The following LIPC variants were observed in gnomAD, a reference collection of about 807,000 sequenced individuals.
The protein encoded by LIPC is hepatic triacylglycerol lipase.
LIPC carries 44 observed loss-of-function variants against 50.7 expected under a neutral mutation model. The ratio of observed to expected loss-of-function variants is 0.87; its 90% confidence interval spans 0.68 to 1.11. LIPC has a LOEUF of 1.11. Among genes scored for constraint, LIPC ranks in the 50% most tolerant of loss-of-function variants. The pLI is 0.00. For missense variants in LIPC, 697 were observed against 648.2 expected (o/e 1.08, Z -0.82); for synonymous variants, 271 against 256.4 (o/e 1.06, Z -0.54).
chr15:58,517,120 T>C (rs1212044733), intron 1 of LIPC, among the ~76,000 whole-genome samples: 1 of 152,250 alleles, frequency 6.6e-6, no homozygotes, highest in Non-Finnish European at 1.5e-5. Flanking sequence ...AAAATATCCA[T>C]GTCCCACACT....
At chr15:58,483,850 T>G (rs766242620) in intron 1 of LIPC, among the ~76,000 whole-genome samples, 1 of 152,216 alleles carries the variant, frequency 6.6e-6, no homozygotes, top group Admixed American at 6.5e-5. Context: ...TCTGGGAGAT[T>G]TGACTGCTAA....
At chr15:58,440,689 A>G (rs1893474983) in intron 1 of LIPC, among the ~76,000 whole-genome samples, 1 of 152,218 alleles carries the variant, frequency 6.6e-6, no homozygotes, top group African/African-American at 2.4e-5. Context: ...TGTAAATAAC[A>G]CTACATGCAA....
chr15:58,499,441 T>C (rs1265239149), intron 1 of LIPC, among the ~76,000 whole-genome samples: 1 of 152,204 alleles, frequency 6.6e-6, no homozygotes, highest in Non-Finnish European at 1.5e-5. Flanking sequence ...GGAATGAGTA[T>C]GTAACAGGAA....
chr15:58,467,686 G>A (rs1894619987), intron 1 of LIPC, among the ~76,000 whole-genome samples: 1 of 152,134 alleles, frequency 6.6e-6, no homozygotes, highest in Non-Finnish European at 1.5e-5. Context: ...TGCAGTAAAT[G>A]AGTCCTTGAT....
intron 1 of LIPC, among the ~76,000 whole-genome samples, chr15:58,459,842 C>T (rs1299385823): frequency 6.6e-6 from 1 of 152,250 alleles, no homozygotes; most frequent in Non-Finnish European, 1.5e-5. Flanking sequence ...CCTGGGCACT[C>T]CTCTCAGCTT....
chr15:58,532,078 T>G (rs538508090), intron 1 of LIPC, among the ~76,000 whole-genome samples: 1 of 152,236 alleles, frequency 6.6e-6, no homozygotes, highest in African/African-American at 2.4e-5. Context: ...ATTCAGAAAT[T>G]GAGACACAGA....
chr15:58,562,404 A>C (rs886823657), intron 7 of LIPC, among the ~76,000 whole-genome samples: 13 of 152,208 alleles, frequency 8.5e-5, no homozygotes, highest in African/African-American at 3.1e-4. Flanking sequence ...CAGAAATTCA[A>C]GTGGTATCTT....
At position 58,485,840 on chromosome 15, in the gene LIPC, T is replaced by C. The variant is rs116821821; in HGVS notation, c.89-52493T>C. Among the ~76,000 whole-genome samples the C allele has an allele frequency of 5.0e-3, 759 of 152,346 alleles. 8 individuals are homozygous for C. Among genetic ancestry groups the C allele is most frequent in the African/African-American group, 0.017 (727 of 41,576 alleles). On this transcript the variant is annotated intron_variant, in intron 1 of 8. Transcript: ENST00000299022. ...CCCTTCTTCTCAAAGGCATTGAGGT[T>C]ACTTTCCATGTAGATTACGGTTGAG...
intron 1 of LIPC, among the ~76,000 whole-genome samples, chr15:58,433,276 T>C (rs527563176): frequency 3.9e-5 from 6 of 152,336 alleles, no homozygotes; most frequent in Admixed American, 3.3e-4. Context: ...CGGAATGTTG[T>C]ATTTGTTTGT....
At chr15:58,474,257 C>A (rs932819020) in intron 1 of LIPC, among the ~76,000 whole-genome samples, 7 of 152,178 alleles carry the variant, frequency 4.6e-5, no homozygotes, top group African/African-American at 1.7e-4. Context: ...GTGGCTCATG[C>A]CTGTAATCCC....
intron 1 of LIPC, among the ~76,000 whole-genome samples, chr15:58,464,261 G>A (rs1463866127): frequency 6.6e-6 from 1 of 152,096 alleles, no homozygotes; most frequent in East Asian, 1.9e-4. Flanking sequence ...TGGTTTCCTA[G>A]GAGCAGTACT....
At chr15:58,499,464 T>C (rs1462001939) in intron 1 of LIPC, among the ~76,000 whole-genome samples, 4 of 152,214 alleles carry the variant, frequency 2.6e-5, no homozygotes, top group Admixed American at 6.5e-5. Flanking sequence ...GGAAGATCTG[T>C]GTTTCCCTGA....
intron 1 of LIPC, among the ~76,000 whole-genome samples, chr15:58,474,515 A>G (rs1358486737): frequency 1.9e-3 from 5 of 2,692 alleles, no homozygotes; most frequent in East Asian, 0.12. Context: ...TGTCTCAGGA[A>G]AAAAAAAAAA....
chr15:58,525,201 T>A (rs1443326897), intron 1 of LIPC, among the ~76,000 whole-genome samples: 1 of 152,220 alleles, frequency 6.6e-6, no homozygotes, highest in African/African-American at 2.4e-5. Flanking sequence ...AGAAATTAGA[T>A]TTCCACTGCC....
chr15:58,552,072 G>C (rs1256082406), intron 6 of LIPC, among the ~76,000 whole-genome samples: 2 of 152,190 alleles, frequency 1.3e-5, no homozygotes. Flanking sequence ...TTTTAAGGGA[G>C]GGGGAGGGAA....
intron 1 of LIPC, among the ~76,000 whole-genome samples, chr15:58,471,328 T>TGCGGC (rs1555399294): frequency 8.8e-6 from 1 of 114,182 alleles, no homozygotes; most frequent in African/African-American, 3.4e-5. Flanking sequence ...TTAGTAGAGA[T>TGCGGC]GGGGGGGGGT....
At chr15:58,459,634 A>G (rs1468132272) in intron 1 of LIPC, among the ~76,000 whole-genome samples, 1 of 152,204 alleles carries the variant, frequency 6.6e-6, no homozygotes, top group Non-Finnish European at 1.5e-5. Flanking sequence ...CATTTATGGA[A>G]AAGCAAACAC....
chr15:58,502,302 T>C (rs1892009381), intron 1 of LIPC, among the ~76,000 whole-genome samples: 1 of 152,168 alleles, frequency 6.6e-6, no homozygotes, highest in Admixed American at 6.5e-5. Flanking sequence ...TCCATTCCTG[T>C]GCTGCTACAG....
chr15:58,444,098 C>T (rs1394687559), intron 1 of LIPC, among the ~76,000 whole-genome samples: 1 of 152,188 alleles, frequency 6.6e-6, no homozygotes, highest in East Asian at 1.9e-4. Context: ...GGCTCAGAGG[C>T]CTGACAGTCT....
Sources: allele counts gnomAD v4.1 joint callset (sites outside exome capture counted in the v4.1 genomes callset), GRCh38; gene constraint gnomAD v4.1.1; transcripts MANE v1.5; gene names NCBI Gene and HGNC (gene_info 2026-07-23, HGNC 2026-07-21).